The following RNF2 variants were observed in gnomAD, a reference collection of about 807,000 sequenced individuals.
RNF2 encodes the protein ring finger protein 2, also known as E3 ubiquitin-protein ligase RING2.
RNF2 carries 6 observed loss-of-function variants against 37.2 expected under a neutral mutation model. The observed-to-expected ratio is 0.16, with a 90% CI of 0.09 to 0.32. The LOEUF is 0.32. RNF2 is among the 10% of genes least tolerant of loss of function. RNF2 has a pLI of 1.00. For synonymous variants in RNF2, 133 were observed against 132.7 expected (o/e 1.00, Z -0.02); for missense variants, 251 against 404.0 (o/e 0.62, Z 3.25).
intron 1 of RNF2, among the ~76,000 whole-genome samples, 172 bp from the exon 2 acceptor site, chr1:185,087,380 T>C (rs901272369): frequency 6.6e-6 from 1 of 152,198 alleles, no homozygotes; most frequent in African/African-American, 2.4e-5. Flanking sequence ...ACTAATTTCA[T>C]TCATGAGGGT....
At chr1:185,095,871 TTTC>T (rs963112175) in intron 4 of RNF2, among the ~76,000 whole-genome samples, 8 of 152,222 alleles carry the variant, frequency 5.3e-5, no homozygotes, top group Admixed American at 2.6e-4. Context: ...ACATTCCTCA[TTTC>T]TTTTTTGTTC....
chr1:185,069,906 T>C (rs1367458295), intron 1 of RNF2, among the ~76,000 whole-genome samples: 2 of 152,242 alleles, frequency 1.3e-5, no homozygotes, highest in African/African-American at 2.4e-5. Flanking sequence ...TTGTTCGTTA[T>C]AGAATAAGTC....
chr1:185,096,041 AGC>A (rs1169701802), intron 4 of RNF2, among the ~76,000 whole-genome samples: 1 of 152,204 alleles, frequency 6.6e-6, no homozygotes, highest in Non-Finnish European at 1.5e-5. Flanking sequence ...ACATTAATAT[AGC>A]TCTGTCACAT....
chr1:185,062,424 C>A (rs1412047403), intron 1 of RNF2, among the ~76,000 whole-genome samples: 1 of 151,802 alleles, frequency 6.6e-6, no homozygotes, highest in Non-Finnish European at 1.5e-5. Flanking sequence ...CCATCTTTGT[C>A]ATGAATTAGA....
chr1:185,067,040 C>T (rs988259462), intron 1 of RNF2, among the ~76,000 whole-genome samples: 3 of 152,022 alleles, frequency 2.0e-5, no homozygotes, highest in African/African-American at 7.2e-5. Context: ...AACTTAAGAC[C>T]GGATAATGGA....
At chr1:185,099,453 G>A (rs1163624812) in intron 5 of RNF2, among the ~76,000 whole-genome samples, 2 of 152,284 alleles carry the variant, frequency 1.3e-5, no homozygotes, top group East Asian at 3.9e-4. Flanking sequence ...GCAGATTCTG[G>A]TCATTAGGGT....
At chr1:185,084,268 C>G in intron 1 of RNF2, among the ~76,000 whole-genome samples, 1 of 152,110 alleles carries the variant, frequency 6.6e-6, no homozygotes, top group South Asian at 2.1e-4. Context: ...TAAACCATGC[C>G]TTAATTCAGT....
At chr1:185,076,265 G>GT (rs1557967374) in intron 1 of RNF2, among the ~76,000 whole-genome samples, 9 of 39,540 alleles carry the variant, frequency 2.3e-4, no homozygotes, top group East Asian at 6.7e-4. Flanking sequence ...TCTTTTATGG[G>GT]TTGTTTTTTT....
chr1:185,095,051 A>G (rs1651873747), intron 4 of RNF2, among the ~76,000 whole-genome samples: 1 of 152,208 alleles, frequency 6.6e-6, no homozygotes, highest in Non-Finnish European at 1.5e-5. Flanking sequence ...CACTGGCTTA[A>G]AGGTTAAAAG....
intron 1 of RNF2, among the ~76,000 whole-genome samples, chr1:185,082,979 T>G (rs972858098): frequency 6.6e-6 from 1 of 152,310 alleles, no homozygotes. Flanking sequence ...ACAATTAATT[T>G]GCACTAACCT....
intron 1 of RNF2, among the ~76,000 whole-genome samples, chr1:185,077,713 T>C (rs1651216886): frequency 6.6e-6 from 1 of 151,064 alleles, no homozygotes; most frequent in African/African-American, 2.4e-5. Context: ...CTGTTTTGTT[T>C]TGTTTTTTTT....
chr1:185,096,222 T>C (rs1452246060), intron 4 of RNF2, among the ~76,000 whole-genome samples: 3 of 152,234 alleles, frequency 2.0e-5, no homozygotes, highest in African/African-American at 7.2e-5. Flanking sequence ...CCCATTATTT[T>C]AGCCCGTTCA....
intron 1 of RNF2, among the ~76,000 whole-genome samples, chr1:185,055,954 A>G (rs1197089376): frequency 6.6e-6 from 1 of 152,072 alleles, no homozygotes; most frequent in Non-Finnish European, 1.5e-5. Context: ...CTCTAGTAAC[A>G]TTTCCTCAAA....
intron 1 of RNF2, among the ~76,000 whole-genome samples, chr1:185,079,147 T>A (rs1303455367): frequency 2.0e-5 from 3 of 151,790 alleles, no homozygotes; most frequent in Non-Finnish European, 4.4e-5. Context: ...TTCAGACTAA[T>A]GCTTACTTTT....
intron 1 of RNF2, among the ~76,000 whole-genome samples, chr1:185,066,470 C>G (rs1650803055): frequency 6.6e-6 from 1 of 152,200 alleles, no homozygotes. Flanking sequence ...GTCTCTTTCT[C>G]CAGGAAACAT....
intron 1 of RNF2, among the ~76,000 whole-genome samples, chr1:185,052,879 G>A (rs766014374): frequency 2.9e-4 from 44 of 152,164 alleles, no homozygotes; most frequent in Non-Finnish European, 4.7e-4. Flanking sequence ...AAGTAATGAC[G>A]GTGATAATAA....
chr1:185,085,680 G>A lies in RNF2; in HGVS notation c.-2-1872G>A, dbSNP rs116229287. On this transcript the variant is annotated intron_variant, in intron 1 of 6. Transcript: ENST00000367510. ...AAAACTTTTTTTTTTTTGAGACTAA[G>A]TGTCGCTCTGTCGCCCAGGCTGGAG... Among the ~76,000 whole-genome samples the A allele has an allele frequency of 3.5e-3, 523 of 150,754 alleles. 5 individuals are homozygous for A. Among genetic ancestry groups the A allele is most frequent in the African/African-American group, 0.012 (495 of 40,978 alleles).
intron 1 of RNF2, among the ~76,000 whole-genome samples, chr1:185,063,026 C>T (rs970540035): frequency 6.6e-6 from 1 of 152,168 alleles, no homozygotes; most frequent in Admixed American, 6.5e-5. Flanking sequence ...AATGTACTTG[C>T]CCTTTGATCC....
At chr1:185,082,687 TGTAC>T (rs1217571552) in intron 1 of RNF2, among the ~76,000 whole-genome samples, 1 of 152,110 alleles carries the variant, frequency 6.6e-6, no homozygotes, top group Non-Finnish European at 1.5e-5. Context: ...ACCACTGCCC[TGTAC>T]GTTCGTTAGC....
Sources: allele counts gnomAD v4.1 joint callset (sites outside exome capture counted in the v4.1 genomes callset), GRCh38; gene constraint gnomAD v4.1.1; transcripts MANE v1.5; gene names NCBI Gene and HGNC (gene_info 2026-07-23, HGNC 2026-07-21).